The following CDH17 variants were observed in gnomAD, a reference collection of about 807,000 sequenced individuals.
CDH17 encodes cadherin-17.
A neutral mutation model predicts 86.3 loss-of-function variants in CDH17; 67 were observed. The observed-to-expected ratio is 0.78, with a 90% CI of 0.64 to 0.95. CDH17 has a LOEUF of 0.95. CDH17 is among the 40% of genes least tolerant of loss of function. The probability of loss-of-function intolerance (pLI) is 0.00; values close to 1 mark genes in which losing one functional copy is unlikely to be tolerated. For missense variants in CDH17, 993 were observed against 1,017.6 expected (o/e 0.98, Z 0.33); for synonymous variants, 367 against 366.4 (o/e 1.00, Z -0.02).
At chr8:94,166,159 G>A (rs1813150039) in intron 9 of CDH17, among the ~76,000 whole-genome samples, 183 bp from the exon 10 acceptor site, 1 of 152,198 alleles carries the variant, frequency 6.6e-6, no homozygotes, top group Non-Finnish European at 1.5e-5. Flanking sequence ...TAGTGTATTT[G>A]TCAGCCAGGG....
intron 12 of CDH17, among the ~76,000 whole-genome samples, chr8:94,154,063 G>A (rs1264810070): frequency 6.6e-6 from 1 of 152,150 alleles, no homozygotes; most frequent in Non-Finnish European, 1.5e-5. Context: ...GATAAGTGAG[G>A]TAATTCAGAT....
chr8:94,135,242 T>TA (rs1406332802), intron 15 of CDH17, among the ~76,000 whole-genome samples: 1 of 152,214 alleles, frequency 6.6e-6, no homozygotes, highest in Non-Finnish European at 1.5e-5. Flanking sequence ...TTGATATGTC[T>TA]AATATTGACA....
At chr8:94,177,173 C>T (rs1420682911) in intron 4 of CDH17, among the ~76,000 whole-genome samples, 1 of 152,148 alleles carries the variant, frequency 6.6e-6, no homozygotes, top group Non-Finnish European at 1.5e-5. Flanking sequence ...GCTACTGGTT[C>T]CCTCTGCTTC....
intron 17 of CDH17, among the ~76,000 whole-genome samples, chr8:94,129,172 T>C (rs1272811180): frequency 6.6e-6 from 1 of 151,204 alleles, no homozygotes; most frequent in Non-Finnish European, 1.5e-5. Context: ...GATTATGGAA[T>C]TAAATTGATA....
At chr8:94,205,217 C>T (rs1392699573) in intron 1 of CDH17, among the ~76,000 whole-genome samples, 5 of 152,124 alleles carry the variant, frequency 3.3e-5, no homozygotes, top group Admixed American at 2.0e-4. Context: ...AAGCATCTTC[C>T]CTGGACTAAA....
chr8:94,196,100 T>C (rs904551716), intron 1 of CDH17, among the ~76,000 whole-genome samples: 1 of 152,156 alleles, frequency 6.6e-6, no homozygotes, highest in Non-Finnish European at 1.5e-5. Flanking sequence ...TTCACGAAAA[T>C]TCCAATCACT....
chr8:94,215,812 G>A (rs1239316759), intron 1 of CDH17, among the ~76,000 whole-genome samples: 4 of 151,140 alleles, frequency 2.6e-5, no homozygotes, highest in African/African-American at 7.3e-5. Context: ...TTCTATTATC[G>A]GAAATGTCTT....
intron 17 of CDH17, among the ~76,000 whole-genome samples, chr8:94,129,499 G>A (rs1288170384): frequency 6.6e-6 from 1 of 152,116 alleles, no homozygotes; most frequent in African/African-American, 2.4e-5. Flanking sequence ...TGACACACTG[G>A]ATCATGGGAG....
intron 1 of CDH17, chr8:94,202,140 AGATGTTTT>A (rs1156494663): frequency 6.5e-6 from 1 of 153,970 alleles, no homozygotes; most frequent in East Asian, 1.9e-4. Context: ...GGCATTGGTA[AGATGTTTT>A]GGGTTTCTCA....
At chr8:94,166,815 G>C (rs1813166943) in intron 9 of CDH17, among the ~76,000 whole-genome samples, 1 of 152,148 alleles carries the variant, frequency 6.6e-6, no homozygotes, top group Non-Finnish European at 1.5e-5. Context: ...GAGATAGGCT[G>C]CCACAAGTAG....
intron 12 of CDH17, among the ~76,000 whole-genome samples, chr8:94,152,437 A>G (rs927798732): frequency 1.8e-4 from 27 of 152,242 alleles, no homozygotes; most frequent in African/African-American, 6.5e-4. Flanking sequence ...CCCAGCCTTG[A>G]GCCTTGAGTG....
Position 94,128,226 on chromosome 8 carries a change from A to G in CDH17, c.*14T>C, listed in dbSNP as rs531949124. 8 of 1,554,430 alleles carry G rather than the reference A, an allele frequency of 5.1e-6. No homozygotes were observed. In the African/African-American group the frequency reaches 8.1e-5, roughly 16 times the overall value. On this transcript the variant is annotated 3_prime_UTR_variant, in exon 18 of 18. Transcript: ENST00000027335. ...TAGCACTTGCTATATAAATTCAAAC[A>G]TTCCTTTTCAAATTCAGCTTCTCAG...
chr8:94,143,874 C>A (rs1053338631), intron 15 of CDH17, among the ~76,000 whole-genome samples: 34 of 152,206 alleles, frequency 2.2e-4, no homozygotes, highest in African/African-American at 8.0e-4. Flanking sequence ...CCAGACCACT[C>A]AAACTTTCTC....
intron 7 of CDH17, among the ~76,000 whole-genome samples, chr8:94,171,690 C>A (rs972078915): frequency 6.4e-4 from 97 of 152,168 alleles, no homozygotes; most frequent in Admixed American, 7.9e-4. Flanking sequence ...CTCATTTAAT[C>A]TCCAAACAGT....
chr8:94,209,961 T>C (rs968335460), upstream of CDH17, among the ~76,000 whole-genome samples: 3 of 152,108 alleles, frequency 2.0e-5, no homozygotes. Context: ...GTATCATTTA[T>C]AGTCATTGTT....
intron 1 of CDH17, among the ~76,000 whole-genome samples, chr8:94,206,800 C>T (rs1457800669): frequency 6.6e-6 from 1 of 151,940 alleles, no homozygotes; most frequent in Non-Finnish European, 1.5e-5. Flanking sequence ...TGCCATCATG[C>T]CTGGCTAATT....
chr8:94,183,683 G>A (rs1813524714), intron 3 of CDH17, among the ~76,000 whole-genome samples: 1 of 151,728 alleles, frequency 6.6e-6, no homozygotes, highest in African/African-American at 2.4e-5. Flanking sequence ...GACATCAAAA[G>A]TACAAATAAC....
At chr8:94,192,462 A>C (rs76426433) in intron 2 of CDH17, among the ~76,000 whole-genome samples, 735 of 152,306 alleles carry the variant, frequency 4.8e-3, no homozygotes, top group Admixed American at 7.5e-3. Context: ...ATTTCTTCTG[A>C]CCAATGCTAT....
chr8:94,185,717 A>AT (rs1221997053), intron 3 of CDH17, among the ~76,000 whole-genome samples: 1 of 152,128 alleles, frequency 6.6e-6, no homozygotes, highest in Non-Finnish European at 1.5e-5. Flanking sequence ...AACTATGCCA[A>AT]TTTTTTTACA....
Sources: gnomAD v4.1 joint callset for allele counts (sites outside exome capture counted in the v4.1 genomes callset) on GRCh38, gnomAD v4.1.1 for gene constraint, MANE v1.5 for transcripts, NCBI Gene and HGNC (gene_info 2026-07-23, HGNC 2026-07-21) for gene names.